The following HEXA variants were observed in gnomAD, a reference collection of about 807,000 sequenced individuals.
HEXA encodes hexosaminidase subunit alpha.
In HEXA, 54 loss-of-function variants were observed where a neutral mutation model predicts 73.3. That is an observed-to-expected ratio of 0.74 (90% CI 0.59 to 0.92). The LOEUF (loss-of-function observed/expected upper bound fraction) is 0.92. HEXA is among the 40% of genes least tolerant of loss of function. The pLI is 0.00. For synonymous variants in HEXA, 230 were observed against 246.9 expected (o/e 0.93, Z 0.64); for missense variants, 649 against 653.0 (o/e 0.99, Z 0.07).
In HEXA at chr15:72,353,126, C is replaced by T. The variant is rs2088723709; in HGVS notation, c.512G>A (p.Gly171Asp). ...IEDFPRFPHR[G>D]LLLDTSRHYL... The stretch of plus-strand genomic sequence containing the variant: ...ATGGCGAGATGTATCCAACAGCAAG[C>T]CCCGGTGAGGAAAGCGGGGAAAGTC... Residue 171 changes from glycine (G) to aspartate (D), a missense_variant, in exon 5 of 14, where the codon GGC (glycine) becomes GAC (aspartate). Gly to Asp is a moderately conservative substitution (Grantham distance 94, BLOSUM62 -1). Coordinates refer to ENST00000268097, the MANE Select transcript of HEXA (RefSeq NM_000520.6). 6.2e-7 allele frequency: 1 copy of T among 1,613,768 alleles called. No homozygotes were observed. Among genetic ancestry groups the T allele is most frequent in the Non-Finnish European group, 8.5e-7 (1 of 1,179,720 alleles).
rs2088579514 is a variant in HEXA, at chr15:72,344,019, G to A, written c.*58C>T. 1.4e-6 allele frequency: 2 copies of A among 1,443,278 alleles called. No individual in the cohort carries two copies. The highest frequency in any genetic ancestry group is 1.4e-5 in the African/African-American group (1 of 71,566). The allele number at this position is 1,443,278 out of a possible 1,614,324, so 89.4% of individuals were successfully genotyped here. A position where few individuals can be genotyped will look rare whatever the true frequency, so the allele number is the denominator to read the frequency against. On this transcript the variant is annotated 3_prime_UTR_variant, in exon 14 of 14. Coordinates refer to ENST00000268097, the MANE Select transcript of HEXA (RefSeq NM_000520.6). The stretch of plus-strand genomic sequence containing the variant: ...CTCCGTCCCCTGGCCAGGATGCAGT[G>A]GAAGCCTGGCTCCACTACCATTCAC...
chr15:72,356,750 G>T, intron 1 of HEXA, 133 bp from the exon 2 acceptor site: 1 of 1,345,432 alleles, frequency 7.4e-7, no homozygotes, highest in Non-Finnish European at 1.0e-6. Context: ...TTTACCCTTG[G>T]CATAGGCAGT....
At position 72,349,583 on chromosome 15, in the gene HEXA, G is replaced by A. The variant is rs562874464; in HGVS notation, c.806-324C>T. The stretch of plus-strand genomic sequence containing the variant: ...AGGCTGCTCTCCTCACAGGCCTTGA[G>A]GCAGAGAGAGAGCCTAATCCAGCCA... On this transcript the variant is annotated intron_variant, in intron 7 of 13. Transcript: ENST00000268097. 1.1e-4 allele frequency among the ~76,000 whole-genome samples: 17 copies of A among 152,348 alleles called. No individual in the cohort carries two copies. In the South Asian group the frequency reaches 3.5e-3, roughly 32 times the overall value.
chr15:72,359,999 C>T (rs911456476), intron 1 of HEXA: 1 of 152,314 alleles, frequency 6.6e-6, no homozygotes, highest in Non-Finnish European at 1.5e-5. Context: ...TACTATGACC[C>T]CTCCATTTCC....
intron 7 of HEXA, among the ~76,000 whole-genome samples, chr15:72,350,059 C>A (rs556170239): frequency 6.6e-6 from 1 of 152,156 alleles, no homozygotes; most frequent in Non-Finnish European, 1.5e-5. Context: ...CCACCACGCC[C>A]GGCCAATATC....
At chr15:72,368,626 G>T (rs1595811606) in intron 1 of HEXA, among the ~76,000 whole-genome samples, 1 of 152,212 alleles carries the variant, frequency 6.6e-6, no homozygotes, top group African/African-American at 2.4e-5. Context: ...CTGGGGCAGG[G>T]TCTCCTATGG....
rs1290203180 is a variant in HEXA at position 72,346,415 on chromosome 15, G to GC, written c.1331-91dup. 2.7e-6 allele frequency: 4 copies of GC among 1,496,208 alleles called. No individual in the cohort carries two copies. In the African/African-American group the frequency reaches 4.1e-5, roughly 15 times the overall value. 92.7% of individuals were successfully genotyped at this position (1,496,208 alleles called of 1,614,324 possible). ...CCTTCCCAATGTGGCCCTCACCCCA[G>GC]CTAAGTTGTTTCATTTACTAACTGG... On this transcript the variant is annotated intron_variant, in intron 11 of 13. Transcript: ENST00000268097.
intron 7 of HEXA, among the ~76,000 whole-genome samples, chr15:72,350,010 C>T (rs999803918): frequency 2.0e-5 from 3 of 152,114 alleles, no homozygotes; most frequent in Non-Finnish European, 4.4e-5. Flanking sequence ...GTGATCCACC[C>T]GCCTTGGCCT....
In HEXA at chr15:72,353,119, C is replaced by A; in HGVS notation, c.519G>T (p.Leu173=). ...DFPRFPHRGL[L]LDTSRHYLPL... is the part of the protein sequence containing the mutation. Reference sequence around the variant, plus strand: ...GCAGGTAATGGCGAGATGTATCCAACAGCAAGCCCCGGTGAGGAAAGCGGG... The same window carrying A: ...GCAGGTAATGGCGAGATGTATCCAAAAGCAAGCCCCGGTGAGGAAAGCGGG... The change falls in exon 5 of 14, where the codon CTG becomes CTT. Residue 173 remains leucine (L), a synonymous_variant. Coordinates refer to ENST00000268097, the MANE Select transcript of HEXA (RefSeq NM_000520.6). The A allele has an allele frequency of 6.2e-7, 1 of 1,613,850 alleles. No homozygotes were observed. The highest frequency in any genetic ancestry group is 1.3e-5 in the African/African-American group (1 of 75,044).
chr15:72,369,755 TAAC>T (rs1432212530), intron 1 of HEXA, among the ~76,000 whole-genome samples: 2 of 152,168 alleles, frequency 1.3e-5, no homozygotes, highest in East Asian at 3.9e-4. Flanking sequence ...TCCCTCTATA[TAAC>T]AACAGGAAAG....
rs979690054 is a variant in HEXA at position 72,347,734 on chromosome 15, A to G, written c.1098T>C (p.Tyr366=). ...IQTLLDIVSS[Y]GKGYVVWQEV... is the part of the protein sequence containing the mutation. ...CCTGCCACACCACATAGCCCTTGCC[A>G]TAAGAAGAGACGATGTCCAGCAGCC... The change falls in exon 10 of 14, where the codon TAT becomes TAC. Residue 366 remains tyrosine (Y), a synonymous_variant. Coordinates refer to ENST00000268097, the MANE Select transcript of HEXA (RefSeq NM_000520.6). 3 of 1,614,194 alleles carry G rather than the reference A, an allele frequency of 1.9e-6. No homozygotes were observed. The highest frequency in any genetic ancestry group is 2.5e-6 in the Non-Finnish European group (3 of 1,180,010).
At chr15:72,370,313 C>A in intron 1 of HEXA, 1 of 267,620 alleles carries the variant, frequency 3.7e-6, no homozygotes, top group East Asian at 6.5e-5. Flanking sequence ...TCAAATTTTT[C>A]ATAAACCAGG....
intron 10 of HEXA, among the ~76,000 whole-genome samples, 174 bp downstream of exon 10, chr15:72,347,512 C>T (rs879839542): frequency 1.3e-5 from 2 of 152,100 alleles, no homozygotes; most frequent in Admixed American, 6.5e-5. Flanking sequence ...GGATTACAGG[C>T]GTGAGCCACT....
At position 72,343,925 on chromosome 15, in the gene HEXA, G is replaced by A. The variant is rs2088578024; in HGVS notation, c.*152C>T. 3.0e-6 allele frequency: 2 copies of A among 664,506 alleles called. No homozygotes were observed. The highest frequency in any genetic ancestry group is 2.8e-5 in the East Asian group (1 of 36,028). The allele number at this position is 664,506 out of a possible 1,614,324, so 41.2% of individuals were successfully genotyped here. ...TGCCACATTACTCTTTATTGAATGC[G>A]AGCGCCAGCACCGGCCCCTTTCTCT... On this transcript the variant is annotated 3_prime_UTR_variant, in exon 14 of 14. Transcript: ENST00000268097.
In HEXA at chr15:72,342,595, T is replaced by A. The variant is rs1048426289; in HGVS notation, c.*1482A>T. ...TGCATCTGAAACCAGGAGGGGGCAG[T>A]CTGGGTCCACGACGAGACATTTCCT... On this transcript the variant is annotated 3_prime_UTR_variant, in exon 14 of 14. Coordinates refer to ENST00000268097, the MANE Select transcript of HEXA (RefSeq NM_000520.6). The A allele has an allele frequency of 3.3e-5, 5 of 152,196 alleles. No individual in the cohort carries two copies. The highest frequency in any genetic ancestry group is 7.3e-5 in the Non-Finnish European group (5 of 68,062). 9.4% of individuals were successfully genotyped at this position (152,196 alleles called of 1,614,324 possible).
At chr15:72,354,369 A>G (rs1184178088) in intron 3 of HEXA, 1 of 153,520 alleles carries the variant, frequency 6.5e-6, no homozygotes, top group Non-Finnish European at 1.4e-5. Flanking sequence ...AGAGTCTAGC[A>G]AGGCCCACAC....
At chr15:72,367,046 C>T (rs547726315) in intron 1 of HEXA, among the ~76,000 whole-genome samples, 8 of 151,920 alleles carry the variant, frequency 5.3e-5, no homozygotes, top group South Asian at 2.1e-4. Context: ...TGGATTCAAG[C>T]GATTCTGCTG....
In HEXA at chr15:72,353,612, A is replaced by C. The variant is rs1184928030; in HGVS notation, c.459+79T>G. On this transcript the variant is annotated intron_variant, in intron 4 of 13. Coordinates refer to ENST00000268097, the MANE Select transcript of HEXA (RefSeq NM_000520.6). ...AGCCACCAGGATCCTAAGGCAAAAC[A>C]AGATTTTTCTAGGATTCTCAATATT... The C allele has an allele frequency of 2.0e-5, 23 of 1,157,842 alleles. No individual in the cohort carries two copies. The South Asian group carries it at 2.2e-4, about 11-fold the overall frequency. The allele number at this position is 1,157,842 out of a possible 1,614,324, so 71.7% of individuals were successfully genotyped here. A position where few individuals can be genotyped will look rare whatever the true frequency, so the allele number is the denominator to read the frequency against.
intron 5 of HEXA, chr15:72,351,824 T>A (rs1203945829): frequency 2.0e-5 from 3 of 152,466 alleles, no homozygotes; most frequent in Non-Finnish European, 4.3e-5. Context: ...TTTTTTTTTT[T>A]TTTTTTTTTT....
Sources: allele counts gnomAD v4.1 joint callset (sites outside exome capture counted in the v4.1 genomes callset), GRCh38; gene constraint gnomAD v4.1.1; transcripts MANE v1.5; gene names NCBI Gene and HGNC (gene_info 2026-07-23, HGNC 2026-07-21).